RALY: variants seen among roughly 807,000 people sequenced by gnomAD.
The protein encoded by RALY is RALY heterogeneous nuclear ribonucleoprotein.
A neutral mutation model predicts 30.7 loss-of-function variants in RALY; 15 were observed. The ratio of observed to expected loss-of-function variants is 0.49; its 90% CI spans 0.33 to 0.75. The LOEUF (loss-of-function observed/expected upper bound fraction) is 0.75, where lower values mean the gene tolerates loss of function less well. Among genes scored for constraint, RALY ranks in the 30% least tolerant of loss-of-function variants. The pLI is 0.02. For synonymous variants in RALY, 177 were observed against 170.8 expected (o/e 1.04, Z -0.28); for missense variants, 339 against 414.3 (o/e 0.82, Z 1.58).
At chr20:34,078,829 T>C (rs950950748) in intron 9 of RALY, among the ~76,000 whole-genome samples, 1 of 152,176 alleles carries the variant, frequency 6.6e-6, no homozygotes, top group Non-Finnish European at 1.5e-5. Context: ...GTTGCCTGTC[T>C]CTGCCCTTGA....
chr20:34,022,569 A>G (rs1220734966), intron 1 of RALY, among the ~76,000 whole-genome samples: 3 of 152,020 alleles, frequency 2.0e-5, no homozygotes, highest in Non-Finnish European at 4.4e-5. Context: ...CCTTTACCAA[A>G]CAGAAACTTT....
intron 2 of RALY, among the ~76,000 whole-genome samples, chr20:34,042,463 C>T (rs1042360374): frequency 2.6e-5 from 4 of 152,254 alleles, no homozygotes; most frequent in South Asian, 2.1e-4. Flanking sequence ...GTTAAGTGAC[C>T]ACTTCTAACA....
At chr20:33,998,952 C>G (rs1164634007) in intron 1 of RALY, among the ~76,000 whole-genome samples, 5 of 151,618 alleles carry the variant, frequency 3.3e-5, no homozygotes, top group Non-Finnish European at 7.4e-5. Flanking sequence ...CGTGGTGAAA[C>G]CCCGTCTCTA....
chr20:34,058,266 G>T (rs1156411805), intron 2 of RALY, among the ~76,000 whole-genome samples: 3 of 152,158 alleles, frequency 2.0e-5, no homozygotes, highest in Non-Finnish European at 4.4e-5. Flanking sequence ...GGGGTTCATT[G>T]GTTGGCTTTC....
In RALY at chr20:33,994,043, CG is replaced by C. The variant is rs2030448021; in HGVS notation, c.-180del. The C allele has an allele frequency of 6.6e-6, 1 of 152,278 alleles. No individual in the cohort carries two copies. The highest frequency in any genetic ancestry group is 2.4e-5 in the African/African-American group (1 of 41,462). The allele number at this position is 152,278 out of a possible 1,614,324, so 9.4% of individuals were successfully genotyped here. On this transcript the variant is annotated 5_prime_UTR_variant, in exon 1 of 10. Transcript: ENST00000246194. ...GTGCCCAGCCTCTTCCCGCCGCAGC[CG>C]CCCTTTTCCTCCCTCCCTTACGTCC...
chr20:34,072,420 C>T, intron 3 of RALY, 90 bp downstream of exon 3: 2 of 1,418,114 alleles, frequency 1.4e-6, no homozygotes, highest in Admixed American at 2.3e-5. Context: ...CTTTCTCTCA[C>T]CGCTACCACT....
chr20:33,999,085 G>A (rs1487959187), intron 1 of RALY, among the ~76,000 whole-genome samples: 1 of 136,040 alleles, frequency 7.4e-6, no homozygotes, highest in African/African-American at 2.8e-5. Context: ...AGCTGAGATC[G>A]AACCACTGCA....
Position 34,072,134 on chromosome 20 carries a change from C to G in RALY, c.60C>G (p.Asn20Lys). 1 of 1,614,254 alleles carries G rather than the reference C, an allele frequency of 6.2e-7. No homozygotes were observed. Residue 20 changes from asparagine to lysine, a missense_variant, in exon 3 of 10, where the codon AAC (asparagine) becomes AAG (lysine). Physicochemically the swap from Asn to Lys is moderately conservative, Grantham distance 94 (BLOSUM62 0). Transcript: ENST00000246194. ...ACAAGAATGACCCCAAGTCCATCAACTCTCGAGTCTTCATTGGAAACCTCA... is the reference window on the plus strand; with the variant it reads ...ACAAGAATGACCCCAAGTCCATCAAGTCTCGAGTCTTCATTGGAAACCTCA... ...VTNKNDPKSI[N>K]SRVFIGNLNT...
At position 34,062,949 on chromosome 20, in the gene RALY, T is replaced by C. The variant is rs939446167; in HGVS notation, c.-9-9117T>C. ...TATGCCTTCAGCTAGGCCCTGTGAG[T>C]TTATGCTCAAAGGATCAGTGTTAGG... On this transcript the variant is annotated intron_variant, in intron 2 of 9. Transcript: ENST00000246194. Among the ~76,000 whole-genome samples, 138 of 152,202 alleles carry C rather than the reference T, an allele frequency of 9.1e-4. 2 individuals carry two copies. The highest frequency in any genetic ancestry group is 3.5e-4 in the Non-Finnish European group (24 of 68,006).
At chr20:34,078,433 A>C in intron 8 of RALY, 72 bp from the exon 9 acceptor site, 1 of 1,394,484 alleles carries the variant, frequency 7.2e-7, no homozygotes, top group African/African-American at 1.5e-5. Context: ...GTTTTTCTGG[A>C]CAAATGGCTC....
At chr20:34,012,943 A>T (rs2031464170) in intron 1 of RALY, among the ~76,000 whole-genome samples, 1 of 152,054 alleles carries the variant, frequency 6.6e-6, no homozygotes, top group South Asian at 2.1e-4. Flanking sequence ...TGATTTTTTG[A>T]CTTTATGTTG....
chr20:34,008,695 G>A (rs2031269833), intron 1 of RALY, among the ~76,000 whole-genome samples: 1 of 152,162 alleles, frequency 6.6e-6, no homozygotes, highest in Non-Finnish European at 1.5e-5. Flanking sequence ...GTCTTGCTCT[G>A]TTACCCAGGC....
chr20:34,040,877 CAT>C (rs1298830813), intron 2 of RALY, among the ~76,000 whole-genome samples: 1 of 152,170 alleles, frequency 6.6e-6, no homozygotes, highest in Non-Finnish European at 1.5e-5. Flanking sequence ...TCCTGAGTAT[CAT>C]ACTGCCTCCC....
At chr20:34,055,765 G>C (rs1168186601) in intron 2 of RALY, among the ~76,000 whole-genome samples, 1 of 152,118 alleles carries the variant, frequency 6.6e-6, no homozygotes, top group African/African-American at 2.4e-5. Context: ...TAATAAACTT[G>C]TTAATATCTT....
At chr20:34,012,681 A>G (rs1039034381) in intron 1 of RALY, among the ~76,000 whole-genome samples, 2 of 152,184 alleles carry the variant, frequency 1.3e-5, no homozygotes, top group Admixed American at 1.3e-4. Context: ...GAGACTAGAC[A>G]TCTTGAAACT....
Position 34,006,888 on chromosome 20 carries a change from G to A in RALY, c.-93+12757G>A, listed in dbSNP as rs922862672. ...GAATGTATCCCCGTTGCTAAGTGATGCATGAGTGTAGTTATCCCCCCCATT... is the reference window on the plus strand; with the variant it reads ...GAATGTATCCCCGTTGCTAAGTGATACATGAGTGTAGTTATCCCCCCCATT... On this transcript the variant is annotated intron_variant, in intron 1 of 9. Transcript: ENST00000246194. Among the ~76,000 whole-genome samples, 3 of 152,188 alleles carry A rather than the reference G, an allele frequency of 2.0e-5. No individual in the cohort carries two copies. The East Asian group carries it at 5.8e-4, about 29-fold the overall frequency.
intron 1 of RALY, among the ~76,000 whole-genome samples, chr20:34,010,454 C>A (rs2031352065): frequency 6.6e-6 from 1 of 152,158 alleles, no homozygotes; most frequent in Admixed American, 6.5e-5. Context: ...AGGCTGGGGT[C>A]TTGAACTCCT....
At chr20:34,014,882 A>G (rs1182316218) in intron 1 of RALY, 1 of 152,214 alleles carries the variant, frequency 6.6e-6, no homozygotes, top group Non-Finnish European at 1.5e-5. Context: ...GTGGAAAGCT[A>G]AACAGTCTAA....
chr20:34,009,361 C>A (rs982845185), intron 1 of RALY, among the ~76,000 whole-genome samples: 2 of 152,064 alleles, frequency 1.3e-5, no homozygotes, highest in African/African-American at 4.8e-5. Context: ...GTCTCAGTCT[C>A]CCAACTAGCT....
Sources: gnomAD v4.1 joint callset for allele counts (sites outside exome capture counted in the v4.1 genomes callset) on GRCh38, gnomAD v4.1.1 for gene constraint, MANE v1.5 for transcripts, NCBI Gene and HGNC (gene_info 2026-07-23, HGNC 2026-07-21) for gene names.